Variants in CTNNA3 observed in about 807,000 individuals in gnomAD.
CTNNA3 encodes the protein catenin alpha 3, also known as catenin alpha-3.
A neutral mutation model predicts 95.7 loss-of-function variants in CTNNA3; 76 were observed. The ratio of observed to expected loss-of-function variants is 0.79; its 90% CI spans 0.66 to 0.96. CTNNA3 has a LOEUF of 0.96. CTNNA3 is among the 40% of genes least tolerant of loss of function. The pLI is 0.00. For synonymous variants in CTNNA3, 431 were observed against 374.4 expected (o/e 1.15, Z -1.74); for missense variants, 1,191 against 1,089.8 (o/e 1.09, Z -1.31).
intron 10 of CTNNA3, among the ~76,000 whole-genome samples, chr10:66,585,450 T>C (rs1412809456): frequency 2.6e-5 from 4 of 151,970 alleles, no homozygotes; most frequent in Non-Finnish European, 5.9e-5. Flanking sequence ...TTTTGAGTTC[T>C]GAAATTCTTT....
At chr10:66,882,738 CA>C (rs1350834215) in intron 7 of CTNNA3, among the ~76,000 whole-genome samples, 9 of 151,922 alleles carry the variant, frequency 5.9e-5, no homozygotes, top group Non-Finnish European at 1.3e-4. Flanking sequence ...AGCTACAGAA[CA>C]AATGAGTCAA....
chr10:67,321,365 C>G (rs984206809), intron 5 of CTNNA3, among the ~76,000 whole-genome samples: 2 of 152,174 alleles, frequency 1.3e-5, no homozygotes, highest in Non-Finnish European at 2.9e-5. Context: ...CTGGAATTCC[C>G]ATGTCATCAG....
intron 17 of CTNNA3, among the ~76,000 whole-genome samples, chr10:65,948,679 G>A (rs1214370880): frequency 6.6e-6 from 1 of 152,122 alleles, no homozygotes; most frequent in Non-Finnish European, 1.5e-5. Flanking sequence ...GGTCAATGAA[G>A]AAATGTCTAT....
chr10:67,463,192 A>C (rs968697981), intron 5 of CTNNA3, among the ~76,000 whole-genome samples: 9 of 152,140 alleles, frequency 5.9e-5, no homozygotes, highest in South Asian at 2.1e-4. Context: ...GGCGTTAGCC[A>C]CCACACCCGA....
intron 5 of CTNNA3, among the ~76,000 whole-genome samples, chr10:67,307,745 G>A (rs545056279): frequency 1.3e-5 from 2 of 152,234 alleles, no homozygotes; most frequent in East Asian, 1.9e-4. Context: ...ACCTCAGACT[G>A]TGCTCCAAGC....
At chr10:67,701,288 C>T (rs1433671220) in intron 1 of CTNNA3, among the ~76,000 whole-genome samples, 2 of 152,114 alleles carry the variant, frequency 1.3e-5, no homozygotes, top group East Asian at 1.9e-4. Context: ...CACAAAGATA[C>T]TCCTCGAGAA....
chr10:67,722,153 CA>C (rs1462861359), intron 1 of CTNNA3, among the ~76,000 whole-genome samples: 2 of 152,168 alleles, frequency 1.3e-5, no homozygotes, highest in African/African-American at 4.8e-5. Context: ...TATTTTATCT[CA>C]GATACTAGTG....
intron 7 of CTNNA3, among the ~76,000 whole-genome samples, chr10:67,151,447 A>T (rs552153274): frequency 2.0e-5 from 3 of 152,342 alleles, no homozygotes; most frequent in Non-Finnish European, 4.4e-5. Context: ...AAAGTGCCCA[A>T]TCACTTTAAT....
At chr10:66,894,989 T>C (rs980406427) in intron 7 of CTNNA3, among the ~76,000 whole-genome samples, 8 of 147,176 alleles carry the variant, frequency 5.4e-5, no homozygotes, top group Non-Finnish European at 1.0e-4. Context: ...TCACAATAAA[T>C]TATATATATT....
At chr10:66,237,302 C>T (rs1439304110) in intron 13 of CTNNA3, among the ~76,000 whole-genome samples, 1 of 152,108 alleles carries the variant, frequency 6.6e-6, no homozygotes, top group Non-Finnish European at 1.5e-5. Flanking sequence ...TTTGTGCCTT[C>T]CCAATTTTCT....
chr10:67,500,039 G>C (rs533896988), intron 5 of CTNNA3, among the ~76,000 whole-genome samples: 20 of 151,758 alleles, frequency 1.3e-4, no homozygotes, highest in Admixed American at 1.2e-3. Flanking sequence ...GTCAATTTTA[G>C]ATCTTTCCCA....
At chr10:67,581,765 A>C (rs947199713) in intron 3 of CTNNA3, among the ~76,000 whole-genome samples, 5 of 152,244 alleles carry the variant, frequency 3.3e-5, no homozygotes, top group African/African-American at 9.6e-5. Flanking sequence ...CAGGGATTCA[A>C]CTTCTTCCTG....
At chr10:66,551,647 TA>T (rs1466353362) in intron 10 of CTNNA3, among the ~76,000 whole-genome samples, 1 of 152,126 alleles carries the variant, frequency 6.6e-6, no homozygotes, top group Non-Finnish European at 1.5e-5. Flanking sequence ...GTGTGTTTGA[TA>T]AAATACTTTG....
chr10:67,177,299 A>C (rs1237359132), intron 7 of CTNNA3, among the ~76,000 whole-genome samples: 1 of 152,222 alleles, frequency 6.6e-6, no homozygotes, highest in Non-Finnish European at 1.5e-5. Flanking sequence ...GAATTTATTT[A>C]GACTCAGAGG....
intron 9 of CTNNA3, among the ~76,000 whole-genome samples, chr10:66,686,946 AT>A (rs1847319853): frequency 6.6e-6 from 1 of 152,088 alleles, no homozygotes; most frequent in South Asian, 2.1e-4. Context: ...ATTAAAGATA[AT>A]TTTTTAAATT....
At chr10:67,670,422 TC>T (rs1840409368) in intron 1 of CTNNA3, among the ~76,000 whole-genome samples, 1 of 152,208 alleles carries the variant, frequency 6.6e-6, no homozygotes, top group Admixed American at 6.5e-5. Context: ...CCCTAAATTT[TC>T]CAAAATATAA....
chr10:66,104,779 G>C (rs1188252804), intron 13 of CTNNA3, among the ~76,000 whole-genome samples: 1 of 152,156 alleles, frequency 6.6e-6, no homozygotes, highest in Non-Finnish European at 1.5e-5. Context: ...CTGAAGACTG[G>C]AAATGGGCAG....
At chr10:66,082,401 A>ACTTC (rs1016230586) in intron 14 of CTNNA3, among the ~76,000 whole-genome samples, 7 of 152,194 alleles carry the variant, frequency 4.6e-5, no homozygotes, top group Non-Finnish European at 8.8e-5. Flanking sequence ...TCTATAAAAT[A>ACTTC]CTTCATCTGT....
intron 10 of CTNNA3, among the ~76,000 whole-genome samples, chr10:66,532,086 C>T (rs976723311): frequency 6.6e-6 from 1 of 152,118 alleles, no homozygotes; most frequent in Non-Finnish European, 1.5e-5. Context: ...CATCCAATTT[C>T]ATATAGACAT....
Sources: gnomAD v4.1 joint callset for allele counts (sites outside exome capture counted in the v4.1 genomes callset) on GRCh38, gnomAD v4.1.1 for gene constraint, MANE v1.5 for transcripts, NCBI Gene and HGNC (gene_info 2026-07-23, HGNC 2026-07-21) for gene names.